Variants in MECOM observed in about 807,000 individuals in gnomAD.
MECOM encodes MDS1 and EVI1 complex locus, also known as histone-lysine N-methyltransferase MECOM.
In MECOM, 13 loss-of-function variants were observed where a neutral mutation model predicts 116.3. The ratio of observed to expected loss-of-function variants is 0.11; its 90% CI spans 0.07 to 0.18. MECOM has a LOEUF of 0.18. MECOM is among the 10% of genes least tolerant of loss of function. The pLI, the probability that MECOM is intolerant of heterozygous loss-of-function variation, is 1.00. For synonymous variants in MECOM, 528 were observed against 535.2 expected, an observed-to-expected ratio of 0.99 and a Z score of 0.19; for missense variants, 1,299 against 1,509.0, an observed-to-expected ratio of 0.86 and a Z score of 2.31.
chr3:169,086,139 G>A (rs1370767195), intron 16 of MECOM, among the ~76,000 whole-genome samples: 3 of 152,130 alleles, frequency 2.0e-5, no homozygotes, highest in African/African-American at 7.2e-5. Context: ...TTTTTGATTT[G>A]CTGGGTCATC....
chr3:169,545,079 C>T (rs954848104), intron 1 of MECOM, among the ~76,000 whole-genome samples: 20 of 152,082 alleles, frequency 1.3e-4, no homozygotes, highest in African/African-American at 4.8e-4. Context: ...AAATGGTATA[C>T]GTGTTCCCAG....
chr3:169,660,940 TG>T (rs2110135599), intron 1 of MECOM, among the ~76,000 whole-genome samples: 1 of 152,256 alleles, frequency 6.6e-6, no homozygotes, highest in South Asian at 2.1e-4. Context: ...AGTAAAAGTT[TG>T]TAAGAGTTGA....
intron 2 of MECOM, among the ~76,000 whole-genome samples, chr3:169,367,046 T>C (rs554666849): frequency 9.2e-5 from 14 of 152,092 alleles, no homozygotes; most frequent in Non-Finnish European, 1.9e-4. Context: ...TTGCATCAAC[T>C]CTTAGGTCCT....
chr3:169,305,118 G>T (rs1169154709), intron 2 of MECOM, among the ~76,000 whole-genome samples: 1 of 152,136 alleles, frequency 6.6e-6, no homozygotes, highest in Non-Finnish European at 1.5e-5. Flanking sequence ...TAGAATTAGT[G>T]AAGGCTCTTT....
chr3:169,235,639 T>C (rs1753947317), intron 2 of MECOM, among the ~76,000 whole-genome samples: 1 of 149,708 alleles, frequency 6.7e-6, no homozygotes. Context: ...ATAGACTCTA[T>C]GGATAAATGA....
chr3:169,655,378 C>A (rs1775419803), intron 1 of MECOM, among the ~76,000 whole-genome samples: 2 of 152,130 alleles, frequency 1.3e-5, no homozygotes, highest in African/African-American at 4.8e-5. Context: ...GAGGAGCAAC[C>A]CAGCTGCAGT....
At chr3:169,131,884 T>A in intron 3 of MECOM, 1 of 1,018,210 alleles carries the variant, frequency 9.8e-7, no homozygotes, top group Non-Finnish European at 1.2e-6. Flanking sequence ...AAACCACACG[T>A]ACTCACAGAG....
chr3:169,448,248 T>C (rs1560286721), intron 1 of MECOM, among the ~76,000 whole-genome samples: 1 of 152,182 alleles, frequency 6.6e-6, no homozygotes, highest in Admixed American at 6.5e-5. Flanking sequence ...TCTTGTAAAA[T>C]GCCACTCGTG....
intron 1 of MECOM, among the ~76,000 whole-genome samples, chr3:169,616,653 T>G (rs1276137435): frequency 6.6e-6 from 1 of 151,982 alleles, no homozygotes; most frequent in African/African-American, 2.4e-5. Flanking sequence ...TTATTCCTTA[T>G]AGTTGAAAAG....
At chr3:169,469,602 C>T (rs80238573) in intron 1 of MECOM, among the ~76,000 whole-genome samples, 2 of 151,656 alleles carry the variant, frequency 1.3e-5, no homozygotes, top group Non-Finnish European at 2.9e-5. Context: ...TCAAGGTGTA[C>T]GTTTTTTTCT....
chr3:169,445,543 C>A (rs762246201), intron 1 of MECOM, among the ~76,000 whole-genome samples: 2 of 152,196 alleles, frequency 1.3e-5, no homozygotes, highest in Admixed American at 6.5e-5. Flanking sequence ...GCTGCAGGGA[C>A]GGGGCCCTCA....
intron 1 of MECOM, among the ~76,000 whole-genome samples, chr3:169,543,568 T>C (rs1353194693): frequency 6.6e-6 from 1 of 152,196 alleles, no homozygotes; most frequent in Non-Finnish European, 1.5e-5. Context: ...AGCAAGACCC[T>C]ATCTCTGGAG....
At chr3:169,451,338 T>C (rs1353519881) in intron 1 of MECOM, among the ~76,000 whole-genome samples, 1 of 152,056 alleles carries the variant, frequency 6.6e-6, no homozygotes, top group African/African-American at 2.4e-5. Flanking sequence ...AAAAGTCTTA[T>C]ACATAAAAAG....
At chr3:169,287,112 T>C (rs149678817) in intron 2 of MECOM, among the ~76,000 whole-genome samples, 1 of 152,350 alleles carries the variant, frequency 6.6e-6, no homozygotes, top group African/African-American at 2.4e-5. Flanking sequence ...CATTTCTATT[T>C]CATTCGACCC....
intron 4 of MECOM, among the ~76,000 whole-genome samples, chr3:169,130,951 T>C (rs1734496432): frequency 6.6e-6 from 1 of 152,128 alleles, no homozygotes; most frequent in Non-Finnish European, 1.5e-5. Context: ...CTATAATTTC[T>C]TCATCTATAC....
intron 12 of MECOM, among the ~76,000 whole-genome samples, chr3:169,098,062 C>T (rs1200464044): frequency 6.6e-6 from 1 of 152,036 alleles, no homozygotes; most frequent in Admixed American, 6.6e-5. Context: ...TAATTTTAGA[C>T]TTACAGAAGA....
At chr3:169,624,686 C>G (rs933796295) in intron 1 of MECOM, among the ~76,000 whole-genome samples, 7 of 152,188 alleles carry the variant, frequency 4.6e-5, no homozygotes, top group Non-Finnish European at 4.4e-5. Context: ...CTCTTCCTGG[C>G]TAGTAGGGCC....
intron 1 of MECOM, among the ~76,000 whole-genome samples, chr3:169,419,405 A>G (rs1192982148): frequency 1.3e-5 from 2 of 152,284 alleles, no homozygotes; most frequent in African/African-American, 4.8e-5. Context: ...TTCAAATTTC[A>G]CATGTAACCA....
At chr3:169,407,079 C>T (rs535619347) in intron 1 of MECOM, among the ~76,000 whole-genome samples, 1 of 152,144 alleles carries the variant, frequency 6.6e-6, no homozygotes, top group African/African-American at 2.4e-5. Context: ...GAACTCCTGA[C>T]CTCATGCTCC....
Sources: gnomAD v4.1 joint callset for allele counts (sites outside exome capture counted in the v4.1 genomes callset) on GRCh38, gnomAD v4.1.1 for gene constraint, MANE v1.5 for transcripts, NCBI Gene and HGNC (gene_info 2026-07-23, HGNC 2026-07-21) for gene names.